Variants in MACROD2 observed in about 807,000 individuals in gnomAD.
MACROD2 encodes ADP-ribose glycohydrolase MACROD2.
A neutral mutation model predicts 70.4 loss-of-function variants in MACROD2; 36 were observed. The ratio of observed to expected loss-of-function variants is 0.51; its 90% confidence interval spans 0.39 to 0.68. The LOEUF (loss-of-function observed/expected upper bound fraction) is 0.68, where lower values mean the gene tolerates loss of function less well. Ranked by LOEUF, MACROD2 falls within the 30% of genes least tolerant of loss-of-function variation. The probability of loss-of-function intolerance (pLI) is 0.00; values close to 1 mark genes in which losing one functional copy is unlikely to be tolerated. For synonymous variants in MACROD2, 172 were observed against 178.8 expected (o/e 0.96, Z 0.30); for missense variants, 496 against 538.4 (o/e 0.92, Z 0.78).
chr20:14,417,860 A>G (rs933968597), intron 3 of MACROD2, among the ~76,000 whole-genome samples: 2 of 152,206 alleles, frequency 1.3e-5, no homozygotes, highest in Non-Finnish European at 2.9e-5. Context: ...GTTAAAAAAT[A>G]CATTGTATGG....
intron 3 of MACROD2, among the ~76,000 whole-genome samples, chr20:14,390,152 C>T (rs180975557): frequency 4.1e-4 from 63 of 152,186 alleles, no homozygotes; most frequent in Admixed American, 8.5e-4. Flanking sequence ...TTACAATTGC[C>T]ACAAAAAGAA....
chr20:14,951,823 C>T (rs1281759363), intron 5 of MACROD2, among the ~76,000 whole-genome samples: 1 of 152,074 alleles, frequency 6.6e-6, no homozygotes, highest in Non-Finnish European at 1.5e-5. Context: ...GCCTCCATCA[C>T]TCAGTGTCTC....
chr20:15,855,978 C>T (rs943371626), intron 8 of MACROD2, among the ~76,000 whole-genome samples: 4 of 152,116 alleles, frequency 2.6e-5, no homozygotes, highest in Admixed American at 6.5e-5. Flanking sequence ...AATAGTGCTG[C>T]TATGAACATT....
intron 4 of MACROD2, among the ~76,000 whole-genome samples, chr20:14,631,043 A>T (rs1018196635): frequency 6.6e-6 from 1 of 152,156 alleles, no homozygotes; most frequent in Non-Finnish European, 1.5e-5. Flanking sequence ...CTTATTTTTT[A>T]AATTTTTAAT....
intron 15 of MACROD2, among the ~76,000 whole-genome samples, chr20:16,000,384 T>C (rs1210211359): frequency 2.6e-5 from 4 of 152,158 alleles, no homozygotes; most frequent in African/African-American, 9.7e-5. Flanking sequence ...CCTGATAGAT[T>C]GGAAGAAAAT....
chr20:14,767,477 G>A (rs925675452), intron 5 of MACROD2, among the ~76,000 whole-genome samples: 1 of 151,928 alleles, frequency 6.6e-6, no homozygotes, highest in Non-Finnish European at 1.5e-5. Flanking sequence ...AAGATACTGA[G>A]TGTCAGTTTG....
At chr20:15,742,211 A>G (rs1382576050) in intron 8 of MACROD2, among the ~76,000 whole-genome samples, 2 of 152,178 alleles carry the variant, frequency 1.3e-5, no homozygotes, top group Non-Finnish European at 2.9e-5. Flanking sequence ...AGCATGCATC[A>G]CTTACAGCTA....
chr20:14,350,938 T>C (rs944856822), intron 3 of MACROD2, among the ~76,000 whole-genome samples: 2 of 152,206 alleles, frequency 1.3e-5, no homozygotes, highest in African/African-American at 2.4e-5. Flanking sequence ...AGGTGAGAGA[T>C]AGGGATCAAG....
chr20:14,900,124 C>T (rs2073878255), intron 5 of MACROD2, among the ~76,000 whole-genome samples: 1 of 151,970 alleles, frequency 6.6e-6, no homozygotes, highest in Admixed American at 6.6e-5. Flanking sequence ...GATTACTTTT[C>T]ATATGTTGAA....
chr20:15,711,583 T>A (rs2050628845), intron 8 of MACROD2, among the ~76,000 whole-genome samples: 1 of 152,210 alleles, frequency 6.6e-6, no homozygotes, highest in Non-Finnish European at 1.5e-5. Flanking sequence ...CCAGTAAGAC[T>A]GCAGCAGGTG....
At chr20:15,732,120 A>G (rs942696496) in intron 8 of MACROD2, among the ~76,000 whole-genome samples, 3 of 150,524 alleles carry the variant, frequency 2.0e-5, no homozygotes, top group Admixed American at 6.7e-5. Flanking sequence ...TGGGGTTGCT[A>G]TTGTCTGTGT....
At chr20:15,232,034 A>G (rs2076963460) in intron 6 of MACROD2, among the ~76,000 whole-genome samples, 1 of 151,946 alleles carries the variant, frequency 6.6e-6, no homozygotes. Flanking sequence ...TTACACATAA[A>G]AAAGAAAAAT....
intron 8 of MACROD2, among the ~76,000 whole-genome samples, chr20:15,601,463 A>G (rs181597727): frequency 1.4e-4 from 21 of 152,020 alleles, no homozygotes; most frequent in African/African-American, 3.9e-4. Flanking sequence ...CCTTCATGCA[A>G]AAAAAAAGAA....
chr20:15,360,239 C>A (rs190987690), intron 6 of MACROD2, among the ~76,000 whole-genome samples: 1 of 152,064 alleles, frequency 6.6e-6, no homozygotes, highest in African/African-American at 2.4e-5. Context: ...ATCATAGTAT[C>A]CTTAACCAGT....
At chr20:14,873,939 G>T (rs1273395202) in intron 5 of MACROD2, among the ~76,000 whole-genome samples, 4 of 152,068 alleles carry the variant, frequency 2.6e-5, no homozygotes, top group Non-Finnish European at 5.9e-5. Context: ...ATTGATGTTG[G>T]TACTTTAACA....
At chr20:15,700,578 T>A (rs560126433) in intron 8 of MACROD2, among the ~76,000 whole-genome samples, 46 of 152,372 alleles carry the variant, frequency 3.0e-4, no homozygotes, top group African/African-American at 1.1e-3. Flanking sequence ...GCATATTTAT[T>A]TACATAAAGA....
At chr20:15,331,562 C>T (rs1277920000) in intron 6 of MACROD2, among the ~76,000 whole-genome samples, 1 of 151,574 alleles carries the variant, frequency 6.6e-6, no homozygotes, top group African/African-American at 2.4e-5. Flanking sequence ...AATAACTGAG[C>T]TTCAGACAAT....
chr20:15,563,982 G>T lies in MACROD2; in HGVS notation c.645+64135G>T, dbSNP rs567683824. On this transcript the variant is annotated intron_variant, in intron 8 of 17. Coordinates refer to ENST00000684519, the MANE Select transcript of MACROD2 (RefSeq NM_001351661.2). ...TTAAATGAGATTTGAGTGAACTGAA[G>T]TAAATCAGCCAAAACCCAGCTTGGA... Among the ~76,000 whole-genome samples the T allele has an allele frequency of 1.5e-4, 23 of 152,282 alleles. 1 individual carries two copies. The South Asian group carries it at 4.8e-3, about 32-fold the overall frequency.
chr20:15,995,932 T>C (rs1356292258), intron 15 of MACROD2, among the ~76,000 whole-genome samples: 1 of 152,024 alleles, frequency 6.6e-6, no homozygotes, highest in African/African-American at 2.4e-5. Flanking sequence ...TTAGGTTGTT[T>C]CTGTGTCCTG....
Sources: allele counts gnomAD v4.1 joint callset (sites outside exome capture counted in the v4.1 genomes callset), GRCh38; gene constraint gnomAD v4.1.1; transcripts MANE v1.5; gene names NCBI Gene and HGNC (gene_info 2026-07-23, HGNC 2026-07-21).